The following SPAG16 variants were observed in gnomAD, a reference collection of about 807,000 sequenced individuals.
SPAG16 encodes sperm associated antigen 16.
Under a neutral mutation model 80.4 loss-of-function variants are expected in SPAG16, and 86 were observed. That is an observed-to-expected ratio of 1.07 (90% CI 0.90 to 1.28). The LOEUF (loss-of-function observed/expected upper bound fraction) is 1.28, where lower values mean the gene tolerates loss of function less well. SPAG16 is among the 50% of genes most tolerant of loss of function. The pLI is 0.00. For synonymous variants in SPAG16, 294 were observed against 265.9 expected (o/e 1.11, Z -1.03); for missense variants, 870 against 765.3 (o/e 1.14, Z -1.61).
chr2:213,396,604 A>T (rs2125319258), intron 9 of SPAG16: 1 of 455,320 alleles, frequency 2.2e-6, no homozygotes, highest in Admixed American at 2.4e-5. Flanking sequence ...TGGACAGGGA[A>T]CTCTCAAACT....
At chr2:213,637,504 C>T (rs924426628) in intron 10 of SPAG16, among the ~76,000 whole-genome samples, 1 of 152,144 alleles carries the variant, frequency 6.6e-6, no homozygotes, top group Non-Finnish European at 1.5e-5. Flanking sequence ...GGAGTAGCTT[C>T]AGTAGGATTG....
intron 5 of SPAG16, among the ~76,000 whole-genome samples, chr2:213,329,900 G>A (rs960011797): frequency 6.6e-6 from 1 of 152,194 alleles, no homozygotes; most frequent in African/African-American, 2.4e-5. Flanking sequence ...AGCTACTCCA[G>A]CCATGACTAA....
chr2:213,334,346 G>A (rs1048758017), intron 5 of SPAG16, among the ~76,000 whole-genome samples: 3 of 152,226 alleles, frequency 2.0e-5, no homozygotes, highest in East Asian at 1.9e-4. Flanking sequence ...ACCCTTGTAC[G>A]CTGTTGGTGG....
At chr2:213,826,978 C>G (rs949759949) in intron 10 of SPAG16, among the ~76,000 whole-genome samples, 19 of 151,858 alleles carry the variant, frequency 1.3e-4, no homozygotes, top group African/African-American at 4.1e-4. Context: ...TGATGACTTT[C>G]TTTGTCTTTT....
intron 9 of SPAG16, among the ~76,000 whole-genome samples, chr2:213,468,354 GATAT>G (rs369376790): frequency 6.7e-4 from 94 of 140,674 alleles, no homozygotes; most frequent in African/African-American, 2.4e-3. Flanking sequence ...ACTAATAGGA[GATAT>G]ATATATATAT....
intron 14 of SPAG16, among the ~76,000 whole-genome samples, chr2:214,129,835 A>G (rs1300484293): frequency 6.6e-6 from 1 of 152,176 alleles, no homozygotes; most frequent in Non-Finnish European, 1.5e-5. Context: ...CTATGAATGC[A>G]TGACTTATAA....
At chr2:213,695,786 A>G (rs1044318669) in intron 10 of SPAG16, among the ~76,000 whole-genome samples, 1 of 152,214 alleles carries the variant, frequency 6.6e-6, no homozygotes, top group African/African-American at 2.4e-5. Flanking sequence ...ATCAATGCAC[A>G]TGCAGTTGAA....
intron 12 of SPAG16, among the ~76,000 whole-genome samples, chr2:214,004,303 T>C (rs1413693237): frequency 1.3e-5 from 2 of 152,032 alleles, no homozygotes; most frequent in Non-Finnish European, 2.9e-5. Flanking sequence ...AATTGTAGAA[T>C]AGGGAGAAGG....
chr2:214,085,204 T>C (rs1311612440), intron 13 of SPAG16, among the ~76,000 whole-genome samples: 1 of 151,332 alleles, frequency 6.6e-6, no homozygotes, highest in Non-Finnish European at 1.5e-5. Flanking sequence ...CGAACAAGAG[T>C]GAGTCAAAAG....
At chr2:213,556,324 A>C (rs1413820389) in intron 10 of SPAG16, among the ~76,000 whole-genome samples, 2 of 151,054 alleles carry the variant, frequency 1.3e-5, no homozygotes, top group Non-Finnish European at 3.0e-5. Flanking sequence ...AAAAAAAAAA[A>C]AAACAAGATC....
intron 15 of SPAG16, among the ~76,000 whole-genome samples, chr2:214,166,037 G>A (rs942216425): frequency 3.3e-5 from 5 of 152,062 alleles, no homozygotes; most frequent in Admixed American, 1.3e-4. Flanking sequence ...CATAAGTCTT[G>A]TTCAAATATA....
chr2:213,881,361 C>A (rs990941572), intron 11 of SPAG16, among the ~76,000 whole-genome samples: 4 of 152,074 alleles, frequency 2.6e-5, no homozygotes, highest in African/African-American at 9.7e-5. Context: ...GTTCTAGCAG[C>A]CTTTTGACAG....
chr2:213,574,840 A>G (rs1311357099), intron 10 of SPAG16, among the ~76,000 whole-genome samples: 1 of 151,818 alleles, frequency 6.6e-6, no homozygotes, highest in East Asian at 1.9e-4. Flanking sequence ...ATAAACACAC[A>G]TCTGTGTGTG....
At chr2:213,396,822 A>C (rs2068061572) in intron 9 of SPAG16, 1 of 252,182 alleles carries the variant, frequency 4.0e-6, no homozygotes, top group South Asian at 4.1e-5. Context: ...TGTTCTTTAC[A>C]GTCTTCATAA....
intron 15 of SPAG16, among the ~76,000 whole-genome samples, chr2:214,174,714 A>G (rs984268410): frequency 1.3e-5 from 2 of 151,756 alleles, no homozygotes; most frequent in African/African-American, 2.4e-5. Context: ...TCAGTAGCCC[A>G]GGATGGCAAA....
At chr2:213,410,889 G>A (rs929607282) in intron 9 of SPAG16, among the ~76,000 whole-genome samples, 4 of 152,198 alleles carry the variant, frequency 2.6e-5, no homozygotes, top group Non-Finnish European at 5.9e-5. Context: ...ATATCCTGAA[G>A]TCCGGCACCC....
At chr2:214,023,735 T>C (rs939335933) in intron 13 of SPAG16, among the ~76,000 whole-genome samples, 6 of 151,804 alleles carry the variant, frequency 4.0e-5, no homozygotes, top group African/African-American at 1.4e-4. Flanking sequence ...ACTTTCCATA[T>C]AAAACCTTTG....
intron 2 of SPAG16, chr2:213,296,887 A>C (rs761466232): frequency 1.8e-5 from 6 of 341,882 alleles, no homozygotes; most frequent in South Asian, 1.0e-4. Flanking sequence ...TTTTTTAATA[A>C]ACGAGAGATT....
intron 10 of SPAG16, among the ~76,000 whole-genome samples, chr2:213,494,334 T>C (rs2074391457): frequency 6.6e-6 from 1 of 152,172 alleles, no homozygotes; most frequent in Middle Eastern, 3.2e-3. Context: ...TTTTCATCTG[T>C]CCAAAAAATA....
Sources: allele counts gnomAD v4.1 joint callset (sites outside exome capture counted in the v4.1 genomes callset), GRCh38; gene constraint gnomAD v4.1.1; transcripts MANE v1.5; gene names NCBI Gene and HGNC (gene_info 2026-07-23, HGNC 2026-07-21).